NOB1: variants seen among roughly 807,000 people sequenced by gnomAD.
The protein encoded by NOB1 is RNA-binding protein NOB1.
NOB1 carries 44 observed loss-of-function variants against 44.8 expected under a neutral mutation model. That is an observed-to-expected ratio of 0.98 (90% CI 0.77 to 1.26). The LOEUF is 1.26. Ranked by LOEUF, NOB1 falls within the 50% of genes most tolerant of loss-of-function variation. The pLI, the probability that NOB1 is intolerant of heterozygous loss-of-function variation, is 0.00. For synonymous variants in NOB1, 238 were observed against 218.7 expected (o/e 1.09, Z -0.78); for missense variants, 560 against 544.8 (o/e 1.03, Z -0.28).
intron 1 of NOB1, 50 bp downstream of exon 1, chr16:69,754,798 G>A (rs373480662): frequency 3.1e-6 from 5 of 1,610,322 alleles, no homozygotes; most frequent in East Asian, 2.2e-5. Context: ...CGCACTCCGG[G>A]AGGGGCGGCC....
At position 69,744,901 on chromosome 16, in the gene NOB1, G is replaced by C; in HGVS notation, c.941C>G (p.Pro314Arg). 2 of 1,613,912 alleles carry C rather than the reference G, an allele frequency of 1.2e-6. No individual in the cohort carries two copies. The highest frequency in any genetic ancestry group is 1.7e-6 in the Non-Finnish European group (2 of 1,180,010). The change falls in exon 8 of 9, where the codon CCC becomes CGC. Residue 314 changes from proline (P) to arginine (R), a missense_variant. Physicochemically the swap from Pro to Arg is moderately radical, Grantham distance 103. Transcript: ENST00000268802. The stretch of plus-strand genomic sequence containing the variant: ...GAGGCCGCGGGGGTTCAGCACCTTG[G>C]GGTTGCGGGAGAAGTGCATGTGCAG... The part of the protein sequence containing the change: ...GTLHMHFSRN[P>R]KVLNPRGLRY...
chr16:69,742,218 G>A lies in NOB1; in HGVS notation c.*114C>T, dbSNP rs888076278. ...TGGGCGGACAGAGCCGCACCGTGAA[G>A]CCCGCCTGTTATTTCCATCGGGTGG... On this transcript the variant is annotated 3_prime_UTR_variant, in exon 9 of 9. Coordinates refer to ENST00000268802, the MANE Select transcript of NOB1 (RefSeq NM_014062.3). The A allele has an allele frequency of 7.3e-7, 1 of 1,372,868 alleles. No homozygotes were observed. The allele number at this position is 1,372,868 out of a possible 1,614,324, so 85.0% of individuals were successfully genotyped here. A position where few individuals can be genotyped will look rare whatever the true frequency, so the allele number is the denominator to read the frequency against.
chr16:69,744,666 C>G (rs920236858), intron 8 of NOB1, among the ~76,000 whole-genome samples: 1 of 152,228 alleles, frequency 6.6e-6, no homozygotes, highest in African/African-American at 2.4e-5. Flanking sequence ...TGAGCCGCTA[C>G]TGTAGCCTTT....
At chr16:69,752,791 G>A (rs1406499046) in intron 2 of NOB1, among the ~76,000 whole-genome samples, 5 of 151,794 alleles carry the variant, frequency 3.3e-5, no homozygotes, top group African/African-American at 9.7e-5. Context: ...AAATTATCCC[G>A]GTGTGGTAGC....
rs1597616677 is a variant in NOB1, at chr16:69,748,859, C to T, written c.726+59G>A. 3 of 1,427,962 alleles carry T rather than the reference C, an allele frequency of 2.1e-6. No homozygotes were observed. The Admixed American group carries it at 6.4e-5, about 31-fold the overall frequency. The allele number at this position is 1,427,962 out of a possible 1,614,324, so 88.5% of individuals were successfully genotyped here. A position where few individuals can be genotyped will look rare whatever the true frequency, so the allele number is the denominator to read the frequency against. ...ACCAGTTCCGTGTACATCTGTACAC[C>T]TCGGTAGGACCACTGCCGATGACGT... On this transcript the variant is annotated intron_variant, in intron 6 of 8. Coordinates refer to ENST00000268802, the MANE Select transcript of NOB1 (RefSeq NM_014062.3).
chr16:69,750,554 GA>G (rs1351505363), intron 3 of NOB1, among the ~76,000 whole-genome samples: 1 of 152,166 alleles, frequency 6.6e-6, no homozygotes, highest in African/African-American at 2.4e-5. Context: ...TTGTGCTCAG[GA>G]GTTTGATGCT....
At chr16:69,742,667 G>A in intron 8 of NOB1, 66 bp from the exon 9 acceptor site, 5 of 1,533,152 alleles carry the variant, frequency 3.3e-6, no homozygotes, top group Non-Finnish European at 4.5e-6. Flanking sequence ...GCCATGGCTG[G>A]TAAGGTGCAG....
At position 69,742,431 on chromosome 16, in the gene NOB1, G is replaced by A. The variant is rs768817828; in HGVS notation, c.1140C>T (p.Ser380=). 25 of 1,614,140 alleles carry A rather than the reference G, an allele frequency of 1.5e-5. No individual in the cohort carries two copies. Among genetic ancestry groups the A allele is most frequent in the Middle Eastern group, 1.6e-4 (1 of 6,084 alleles). The stretch of plus-strand genomic sequence containing the variant: ...CCCGGACCTGCAGGGTAGCTGAGCG[G>A]CTGGAGATGTCATTCTCGACAAAGG... ...VSPFVENDIS[S]RSATLQVRDS... Residue 380 remains serine, a synonymous_variant, in exon 9 of 9, where the codon AGC becomes AGT. Coordinates refer to ENST00000268802, the MANE Select transcript of NOB1 (RefSeq NM_014062.3).
intron 3 of NOB1, among the ~76,000 whole-genome samples, chr16:69,750,994 G>C (rs759032544): frequency 1.6e-4 from 24 of 152,214 alleles, no homozygotes; most frequent in Non-Finnish European, 3.1e-4. Flanking sequence ...CAGTGGGTAA[G>C]ACCCTAAAAA....
intron 3 of NOB1, 144 bp downstream of exon 3, chr16:69,752,097 G>A (rs572246253): frequency 4.1e-6 from 3 of 727,298 alleles, no homozygotes; most frequent in East Asian, 2.6e-5. Context: ...CTGTGGATCA[G>A]TGTAGATGAA....
intron 3 of NOB1, among the ~76,000 whole-genome samples, chr16:69,750,990 G>A (rs188978434): frequency 6.6e-6 from 1 of 152,324 alleles, no homozygotes; most frequent in East Asian, 1.9e-4. Flanking sequence ...GCCACAGTGG[G>A]TAAGACCCTA....
chr16:69,754,458 A>T, intron 2 of NOB1, 136 bp downstream of exon 2: 1 of 1,234,596 alleles, frequency 8.1e-7, no homozygotes, highest in Non-Finnish European at 1.1e-6. Context: ...CCTCTCTCCT[A>T]CCACAATCTC....
chr16:69,748,304 T>G lies in NOB1; in HGVS notation c.752A>C (p.His251Pro), dbSNP rs768785553. The G allele has an allele frequency of 2.5e-6, 4 of 1,613,998 alleles. No individual in the cohort carries two copies. The highest frequency in any genetic ancestry group is 3.4e-6 in the Non-Finnish European group (4 of 1,179,894). ...MQNVLLQMGLHVLAVNGMLIR... is the reference protein window; with the variant it reads ...MQNVLLQMGLPVLAVNGMLIR... ...CAGCATGCCGTTCACCGCCAGCACG[T>G]GCAGCCCCATCTGCAGCAGAACATT... The change falls in exon 7 of 9, where the codon CAC becomes CCC. Residue 251 changes from histidine to proline, a missense_variant. His to Pro is a moderately conservative substitution (Grantham distance 77). Coordinates refer to ENST00000268802, the MANE Select transcript of NOB1 (RefSeq NM_014062.3).
At chr16:69,754,289 C>T (rs1425498528) in intron 2 of NOB1, among the ~76,000 whole-genome samples, 4 of 152,234 alleles carry the variant, frequency 2.6e-5, no homozygotes, top group Non-Finnish European at 5.9e-5. Context: ...GTGCTTGACA[C>T]TGAGCTGACT....
intron 7 of NOB1, 45 bp downstream of exon 7, chr16:69,748,187 G>T: frequency 2.1e-6 from 3 of 1,403,282 alleles, no homozygotes; most frequent in Non-Finnish European, 3.0e-6. Flanking sequence ...GAAACAGGAA[G>T]AGTGTTCCAC....
At position 69,750,955 on chromosome 16, in the gene NOB1, C is replaced by T. The variant is rs374670224; in HGVS notation, c.327+1286G>A. Among the ~76,000 whole-genome samples the T allele has an allele frequency of 9.7e-4, 147 of 152,284 alleles. 1 individual carries two copies. Among genetic ancestry groups the T allele is most frequent in the Middle Eastern group, 3.4e-3 (1 of 294 alleles). Reference sequence around the variant, plus strand: ...TAGAAATAGACAATGGGTGCAGGCACAAATGTATCAGTCTCTTCAACCTAG... The same window carrying T: ...TAGAAATAGACAATGGGTGCAGGCATAAATGTATCAGTCTCTTCAACCTAG... On this transcript the variant is annotated intron_variant, in intron 3 of 8. Transcript: ENST00000268802.
chr16:69,753,265 A>T (rs2038497807), intron 2 of NOB1, among the ~76,000 whole-genome samples: 1 of 152,216 alleles, frequency 6.6e-6, no homozygotes, highest in Admixed American at 6.5e-5. Context: ...TGGATTTCAG[A>T]TTCAGTATGC....
intron 7 of NOB1, among the ~76,000 whole-genome samples, chr16:69,746,630 G>A (rs558444655): frequency 6.6e-6 from 1 of 152,364 alleles, no homozygotes; most frequent in African/African-American, 2.4e-5. Flanking sequence ...ATAGGGCCGG[G>A]TGTGGTGGCT....
chr16:69,749,441 GC>G, intron 4 of NOB1, 103 bp from the exon 5 acceptor site: 5 of 1,545,970 alleles, frequency 3.2e-6, no homozygotes, highest in Non-Finnish European at 4.4e-6. Context: ...ATCAGACAGG[GC>G]TGGACAAACT....
Sources: allele counts gnomAD v4.1 joint callset (sites outside exome capture counted in the v4.1 genomes callset), GRCh38; gene constraint gnomAD v4.1.1; transcripts MANE v1.5; gene names NCBI Gene and HGNC (gene_info 2026-07-23, HGNC 2026-07-21).